AAGAB: variants seen among roughly 807,000 people sequenced by gnomAD.
AAGAB encodes the protein alpha- and gamma-adaptin-binding protein p34.
In AAGAB, 38 loss-of-function variants were observed where a neutral mutation model predicts 44.1. That is an observed-to-expected ratio of 0.86 (90% confidence interval 0.67 to 1.13). The LOEUF (loss-of-function observed/expected upper bound fraction) is 1.13, where lower values mean the gene tolerates loss of function less well. Ranked by LOEUF, AAGAB falls within the 50% of genes most tolerant of loss-of-function variation. AAGAB has a pLI of 0.00. For synonymous variants in AAGAB, 131 were observed against 131.8 expected (o/e 0.99, Z 0.04); for missense variants, 450 against 373.8 (o/e 1.20, Z -1.68).
chr15:67,245,982 C>T (rs895663885), intron 1 of AAGAB, among the ~76,000 whole-genome samples: 3 of 152,156 alleles, frequency 2.0e-5, no homozygotes, highest in African/African-American at 7.2e-5. Flanking sequence ...TACAGTGACA[C>T]TTTTTTCCAC....
intron 1 of AAGAB, chr15:67,254,306 G>A: frequency 2.9e-6 from 3 of 1,035,050 alleles, no homozygotes; most frequent in South Asian, 2.2e-5. Context: ...TGTGGCCTGG[G>A]CTGAGCAGAG....
At chr15:67,220,569 C>T (rs1964044080) in intron 5 of AAGAB, 1 of 152,202 alleles carries the variant, frequency 6.6e-6, no homozygotes, top group African/African-American at 2.4e-5. Flanking sequence ...AAACCAGATG[C>T]ATGCATGGAG....
In AAGAB at chr15:67,208,655, G is replaced by A. The variant is rs200297750; in HGVS notation, c.622C>T (p.Pro208Ser). ...GTACTATCTGCTGCTGGCAAATGGG[G>A]TTGCTGTTGAGGAAAATACACATAA... ...GSADPCHPEQ[P>S]HLPAADSTES... The change falls in exon 7 of 10, where the codon CCC becomes TCC. Residue 208 changes from proline (P) to serine (S), a missense_variant. Coordinates refer to ENST00000261880, the MANE Select transcript of AAGAB (RefSeq NM_024666.5). 2.4e-4 allele frequency: 388 copies of A among 1,613,836 alleles called. No individual in the cohort carries two copies. Among genetic ancestry groups the A allele is most frequent in the Non-Finnish European group, 3.1e-4 (364 of 1,179,928 alleles).
At position 67,222,230 on chromosome 15, in the gene AAGAB, A is replaced by G. The variant is rs867402144; in HGVS notation, c.535+9584T>C. Among the ~76,000 whole-genome samples, 971 of 133,822 alleles carry G rather than the reference A, an allele frequency of 7.3e-3. 12 individuals carry two copies. Among genetic ancestry groups the G allele is most frequent in the African/African-American group, 0.025 (859 of 33,768 alleles). The allele number at this position is 133,822 out of a possible 152,430, so 87.8% of individuals were successfully genotyped here. A position where few individuals can be genotyped will look rare whatever the true frequency, so the allele number is the denominator to read the frequency against. On this transcript the variant is annotated intron_variant, in intron 5 of 9. Coordinates refer to ENST00000261880, the MANE Select transcript of AAGAB (RefSeq NM_024666.5). The stretch of plus-strand genomic sequence containing the variant: ...CTGATTACTACATGCATGCACGCGC[A>G]CGCGCGCGCGCGCACACACACACAC...
At chr15:67,250,891 G>A (rs554505017) in intron 1 of AAGAB, among the ~76,000 whole-genome samples, 1 of 152,190 alleles carries the variant, frequency 6.6e-6, no homozygotes, top group African/African-American at 2.4e-5. Context: ...CCCGAGCTTG[G>A]TGGTGGGCGC....
chr15:67,221,465 C>T (rs1012577184), intron 5 of AAGAB, among the ~76,000 whole-genome samples: 15 of 152,266 alleles, frequency 9.9e-5, no homozygotes, highest in Middle Eastern at 3.4e-3. Flanking sequence ...TAAAGCATTC[C>T]GCCAAAAAGG....
chr15:67,205,531 C>G (rs988420994), intron 7 of AAGAB, among the ~76,000 whole-genome samples: 1 of 151,986 alleles, frequency 6.6e-6, no homozygotes, highest in Admixed American at 6.6e-5. Context: ...GGGTATCTAC[C>G]AAAGAAAGAG....
intron 5 of AAGAB, among the ~76,000 whole-genome samples, chr15:67,213,852 ACAAT>A (rs1337918028): frequency 1.3e-5 from 2 of 152,244 alleles, no homozygotes; most frequent in Admixed American, 1.3e-4. Flanking sequence ...AATCCTCACA[ACAAT>A]CAAAGTATGC....
At chr15:67,249,255 G>C (rs1050506542) in intron 1 of AAGAB, among the ~76,000 whole-genome samples, 3 of 152,030 alleles carry the variant, frequency 2.0e-5, no homozygotes, top group Admixed American at 6.6e-5. Context: ...GGCTGCTCTC[G>C]AACTCCTGAC....
At chr15:67,246,568 A>G (rs2140395492) in intron 1 of AAGAB, among the ~76,000 whole-genome samples, 1 of 152,288 alleles carries the variant, frequency 6.6e-6, no homozygotes, top group South Asian at 2.1e-4. Context: ...CATACCTTTG[A>G]GAGATGAAGC....
At chr15:67,216,517 T>C (rs1567018748) in intron 5 of AAGAB, among the ~76,000 whole-genome samples, 2 of 150,680 alleles carry the variant, frequency 1.3e-5, no homozygotes, top group Non-Finnish European at 3.0e-5. Flanking sequence ...CTCTGGTATT[T>C]TGTCTTCCTA....
chr15:67,234,811 T>C (rs1964423972), intron 4 of AAGAB, among the ~76,000 whole-genome samples: 1 of 152,156 alleles, frequency 6.6e-6, no homozygotes, highest in Non-Finnish European at 1.5e-5. Flanking sequence ...TTCAGGGACC[T>C]AGAAAAACAC....
chr15:67,227,759 C>T (rs974727787), intron 5 of AAGAB, among the ~76,000 whole-genome samples: 2 of 152,132 alleles, frequency 1.3e-5, no homozygotes, highest in Non-Finnish European at 2.9e-5. Context: ...AAAGCTTTGT[C>T]TCTAAAATAA....
chr15:67,239,343 A>G lies in AAGAB; in HGVS notation c.74-2523T>C, dbSNP rs547946353. Among the ~76,000 whole-genome samples the G allele has an allele frequency of 2.6e-5, 4 of 152,368 alleles. No homozygotes were observed. The South Asian group carries it at 8.3e-4, about 32-fold the overall frequency. On this transcript the variant is annotated intron_variant, in intron 1 of 9. Transcript: ENST00000261880. ...ATTTTATTAATGTTTAGAACACAAA[A>G]GAACAAAACAATGTTTGTTACTCAG...
rs768718825 is a variant in AAGAB, at chr15:67,202,783, G to A, written c.*38C>T. On this transcript the variant is annotated 3_prime_UTR_variant, in exon 10 of 10. Transcript: ENST00000261880. The stretch of plus-strand genomic sequence containing the variant: ...TGAGTAGAGAGGTATCTCAGAGACA[G>A]CTAGCATCTTTGTTGGTCAAACCCT... 1.3e-6 allele frequency: 2 copies of A among 1,598,046 alleles called. No individual in the cohort carries two copies. Among genetic ancestry groups the A allele is most frequent in the Non-Finnish European group, 1.7e-6 (2 of 1,165,514 alleles).
chr15:67,255,050 C>T (rs535472464), upstream of AAGAB: 90 of 1,114,644 alleles, frequency 8.1e-5, 1 homozygote, highest in South Asian at 1.1e-3. Context: ...GGTGCGCCGC[C>T]CCTAGACTCC....
chr15:67,206,237 T>A (rs796630395), intron 7 of AAGAB, among the ~76,000 whole-genome samples: 1 of 152,238 alleles, frequency 6.6e-6, no homozygotes, highest in Non-Finnish European at 1.5e-5. Flanking sequence ...ATTGCAGTTA[T>A]GCATTTTTGG....
rs1963739069 is a variant in AAGAB at position 67,208,643 on chromosome 15, C to T, written c.634G>A (p.Ala212Thr). The T allele has an allele frequency of 6.2e-7, 1 of 1,614,092 alleles. No individual in the cohort carries two copies. The highest frequency in any genetic ancestry group is 8.5e-7 in the Non-Finnish European group (1 of 1,179,986). Residue 212 changes from alanine to threonine, a missense_variant, in exon 7 of 10, where the codon GCA (alanine) becomes ACA (threonine). Physicochemically the swap from Ala to Thr is moderately conservative, Grantham distance 58. Transcript: ENST00000261880. ...PCHPEQPHLP[A>T]ADSTESLSDH... is the part of the protein sequence containing the mutation. ...GAGAGGGATTCAGTACTATCTGCTG[C>T]TGGCAAATGGGGTTGCTGTTGAGGA... is the stretch of plus-strand genomic sequence containing the variant.
intron 1 of AAGAB, among the ~76,000 whole-genome samples, chr15:67,243,165 TG>T (rs538395737): frequency 1.3e-5 from 2 of 148,728 alleles, no homozygotes; most frequent in Non-Finnish European, 3.0e-5. Context: ...AGGGGGGTTG[TG>T]GGGGGGTCTC....
Sources: gnomAD v4.1 joint callset for allele counts (sites outside exome capture counted in the v4.1 genomes callset) on GRCh38, gnomAD v4.1.1 for gene constraint, MANE v1.5 for transcripts, NCBI Gene and HGNC (gene_info 2026-07-23, HGNC 2026-07-21) for gene names.